The following SRGAP2 variants were observed in gnomAD, a reference collection of about 807,000 sequenced individuals.
SRGAP2 encodes SLIT-ROBO Rho GTPase activating protein 2, also known as SLIT-ROBO Rho GTPase-activating protein 2.
A neutral mutation model predicts 57.2 loss-of-function variants in SRGAP2; 15 were observed. That is an observed-to-expected ratio of 0.26 (90% CI 0.18 to 0.40). The LOEUF (loss-of-function observed/expected upper bound fraction) is 0.40, where lower values mean the gene tolerates loss of function less well. Ranked by LOEUF, SRGAP2 falls within the 10% of genes least tolerant of loss-of-function variation. The pLI, the probability that SRGAP2 is intolerant of heterozygous loss-of-function variation, is 1.00. For missense variants in SRGAP2, 520 were observed against 669.6 expected, an observed-to-expected ratio of 0.78 and a Z score of 2.47; for synonymous variants, 249 against 248.0, an observed-to-expected ratio of 1.00 and a Z score of -0.04.
intron 11 of SRGAP2, among the ~76,000 whole-genome samples, chr1:206,418,134 G>A (rs1659910488): frequency 1.3e-5 from 2 of 152,024 alleles, no homozygotes; most frequent in South Asian, 4.2e-4. Flanking sequence ...CTTTCTGTGT[G>A]CAAGTCATCA....
intron 14 of SRGAP2, among the ~76,000 whole-genome samples, chr1:206,432,542 G>T (rs782578887): frequency 2.6e-5 from 4 of 152,164 alleles, no homozygotes; most frequent in Non-Finnish European, 5.9e-5. Flanking sequence ...ATACATAGAG[G>T]AGTGGTTGAA....
intron 18 of SRGAP2, 130 bp from the exon 19 acceptor site, chr1:206,450,256 T>A: frequency 1.6e-6 from 1 of 621,966 alleles, no homozygotes. Flanking sequence ...ATTTGTCTAT[T>A]GTGTGCAGTT....
intron 5 of SRGAP2, among the ~76,000 whole-genome samples, chr1:206,391,082 G>T (rs1656900075): frequency 6.6e-6 from 1 of 151,864 alleles, no homozygotes; most frequent in Non-Finnish European, 1.5e-5. Context: ...GCTGTCCTGT[G>T]CATGGGATGT....
intron 2 of SRGAP2, among the ~76,000 whole-genome samples, chr1:206,212,173 C>CT (rs1666354684): frequency 6.6e-6 from 1 of 151,688 alleles, no homozygotes; most frequent in Non-Finnish European, 1.5e-5. Flanking sequence ...TAGGGGTGTT[C>CT]TTTTTTCTTT....
At chr1:206,419,009 C>T (rs1355180208) in intron 11 of SRGAP2, among the ~76,000 whole-genome samples, 1 of 151,192 alleles carries the variant, frequency 6.6e-6, no homozygotes, top group East Asian at 2.0e-4. Context: ...AGCTGAATTT[C>T]ATCTCTGGGA....
intron 13 of SRGAP2, among the ~76,000 whole-genome samples, chr1:206,428,549 A>C (rs1210680049): frequency 6.6e-6 from 1 of 152,086 alleles, no homozygotes; most frequent in Non-Finnish European, 1.5e-5. Context: ...GGTAGTGGCA[A>C]AGTGTTAGGT....
chr1:206,346,959 AG>A (rs1400028694), intron 4 of SRGAP2, among the ~76,000 whole-genome samples: 1 of 151,616 alleles, frequency 6.6e-6, no homozygotes, highest in Non-Finnish European at 1.5e-5. Context: ...GAGATTAAGC[AG>A]GCCAGGCACA....
At chr1:206,332,958 T>C (rs1294869727) in intron 3 of SRGAP2, among the ~76,000 whole-genome samples, 2 of 151,874 alleles carry the variant, frequency 1.3e-5, no homozygotes, top group Non-Finnish European at 2.9e-5. Context: ...TTTTGGTCTT[T>C]GATGATGGTG....
intron 2 of SRGAP2, among the ~76,000 whole-genome samples, chr1:206,275,726 C>T (rs1468084275): frequency 6.6e-6 from 1 of 150,688 alleles, no homozygotes; most frequent in African/African-American, 2.4e-5. Context: ...AAGTGATTCT[C>T]CTGCCTCAGC....
intron 2 of SRGAP2, among the ~76,000 whole-genome samples, chr1:206,230,307 C>T (rs574612419): frequency 1.4e-5 from 2 of 147,070 alleles, no homozygotes; most frequent in Admixed American, 6.8e-5. Flanking sequence ...TAATTAATTA[C>T]GGAAATGCCT....
chr1:206,423,949 A>ATTTTTTTTT (rs782243765), intron 13 of SRGAP2, among the ~76,000 whole-genome samples: 57 of 87,664 alleles, frequency 6.5e-4, no homozygotes, highest in Non-Finnish European at 7.8e-4. Context: ...TAATTTATGT[A>ATTTTTTTTT]TTTTTTTTTT....
chr1:206,418,929 TG>T, intron 11 of SRGAP2, among the ~76,000 whole-genome samples: 1 of 150,750 alleles, frequency 6.6e-6, no homozygotes, highest in East Asian at 2.0e-4. Flanking sequence ...TGTGTGTGTG[TG>T]TGTGTGTATA....
intron 3 of SRGAP2, among the ~76,000 whole-genome samples, chr1:206,338,968 T>C (rs1378336050): frequency 1.6e-4 from 25 of 151,880 alleles, no homozygotes; most frequent in Non-Finnish European, 3.5e-4. Flanking sequence ...ACTAAAAATA[T>C]TGAGATCAGG....
chr1:206,239,229 A>C (rs1330142489), intron 2 of SRGAP2, among the ~76,000 whole-genome samples: 14 of 147,462 alleles, frequency 9.5e-5, no homozygotes, highest in African/African-American at 3.5e-4. Context: ...CCAATCAAAC[A>C]AACAAAATGC....
chr1:206,242,129 C>G (rs542141904), intron 2 of SRGAP2, among the ~76,000 whole-genome samples: 1 of 151,908 alleles, frequency 6.6e-6, no homozygotes, highest in Admixed American at 6.6e-5. Context: ...TGCCCATCTC[C>G]TCCCATCCAC....
intron 1 of SRGAP2, chr1:206,204,102 G>GC: frequency 3.6e-6 from 2 of 560,320 alleles, no homozygotes; most frequent in Non-Finnish European, 6.2e-6. Flanking sequence ...AGCTTCCGGG[G>GC]CTCTCCCCGA....
At chr1:206,261,670 T>C (rs1287395960) in intron 2 of SRGAP2, among the ~76,000 whole-genome samples, 2 of 152,168 alleles carry the variant, frequency 1.3e-5, no homozygotes, top group Admixed American at 6.5e-5. Context: ...GGCTAAGAAG[T>C]AAGTACAGTG....
In SRGAP2 at chr1:206,453,319, GA is replaced by G; in HGVS notation, c.2301del (p.Gly768AlafsTer45). On this transcript the variant is annotated frameshift_variant, in exon 20 of 23. Coordinates refer to ENST00000573034, the MANE Select transcript of SRGAP2 (RefSeq NM_015326.5). LOFTEE classifies it high-confidence loss of function. ...LYQRASDDWW[E>X]GRHNGIDGLI... ...CCAGCGGGCTTCCGACGACTGGTGGGAAGGCCGGCACAATGGCATCGACGGA... is the reference window on the plus strand; with the variant it reads ...CCAGCGGGCTTCCGACGACTGGTGGGAGGCCGGCACAATGGCATCGACGGA... 1 of 760,488 alleles carries G rather than the reference GA, an allele frequency of 1.3e-6. No homozygotes were observed. The highest frequency in any genetic ancestry group is 1.7e-5 in the African/African-American group (1 of 57,742). The allele number at this position is 760,488 out of a possible 1,614,324, so 47.1% of individuals were successfully genotyped here.
chr1:206,371,581 A>C (rs1182569517), intron 4 of SRGAP2, among the ~76,000 whole-genome samples: 1 of 151,040 alleles, frequency 6.6e-6, no homozygotes, highest in Non-Finnish European at 1.5e-5. Context: ...ATACAAAAAA[A>C]TTAGCCAGGC....
Sources: gnomAD v4.1 joint callset for allele counts (sites outside exome capture counted in the v4.1 genomes callset) on GRCh38, gnomAD v4.1.1 for gene constraint, MANE v1.5 for transcripts, NCBI Gene and HGNC (gene_info 2026-07-23, HGNC 2026-07-21) for gene names.